PFKFB3: variants seen among roughly 807,000 people sequenced by gnomAD.
The protein encoded by PFKFB3 is 6-phosphofructo-2-kinase/fructose-2,6-biphosphatase 3.
In PFKFB3, 33 loss-of-function variants were observed where a neutral mutation model predicts 68.0. That is an observed-to-expected ratio of 0.49 (90% CI 0.37 to 0.65). The LOEUF (loss-of-function observed/expected upper bound fraction) is 0.65. Among genes scored for constraint, PFKFB3 ranks in the 30% least tolerant of loss-of-function variants. PFKFB3 has a pLI of 0.00. For synonymous variants in PFKFB3, 315 were observed against 288.2 expected (o/e 1.09, Z -0.94); for missense variants, 586 against 712.2 (o/e 0.82, Z 2.02).
At chr10:6,283,912 C>T in the PFKFB3 span, among the ~76,000 whole-genome samples, 1 of 152,106 alleles carries the variant, frequency 6.6e-6, no homozygotes, top group Non-Finnish European at 1.5e-5. Flanking sequence ...AGTATCATCT[C>T]ATCGCAAGAT....
chr10:6,318,813 C>T, the PFKFB3 span, among the ~76,000 whole-genome samples: 29 of 152,120 alleles, frequency 1.9e-4, no homozygotes, highest in Admixed American at 1.1e-3. Context: ...GGACCAGCTC[C>T]GTCTCTGCGG....
chr10:6,220,587 G>A lies in PFKFB3; in HGVS notation c.624-71G>A, dbSNP rs536366070. On this transcript the variant is annotated intron_variant, in intron 7 of 14. Coordinates refer to ENST00000379775, the MANE Select transcript of PFKFB3 (RefSeq NM_004566.4). This position sits in a 1 kb window ranked among gnomAD's most constrained non-coding sequence, Gnocchi z 4.1. Reference sequence around the variant, plus strand: ...GCTGTTCTCTGGGGATCACATCTTCGGAGACGGGCCAGGTGCATCCTGCTG... The same window carrying A: ...GCTGTTCTCTGGGGATCACATCTTCAGAGACGGGCCAGGTGCATCCTGCTG... The A allele has an allele frequency of 1.1e-5, 15 of 1,404,140 alleles. No homozygotes were observed. The highest frequency in any genetic ancestry group is 9.9e-5 in the African/African-American group (7 of 70,990). 87.0% of individuals were successfully genotyped at this position (1,404,140 alleles called of 1,614,324 possible). A position where few individuals can be genotyped will look rare whatever the true frequency, so the allele number is the denominator to read the frequency against.
the PFKFB3 span, among the ~76,000 whole-genome samples, chr10:6,287,119 C>A: frequency 2.0e-4 from 31 of 152,250 alleles, no homozygotes; most frequent in South Asian, 4.2e-4. Context: ...TGGAGCCTCA[C>A]TCTGTCACCC....
In PFKFB3 at chr10:6,227,194, A is replaced by G. The variant is rs578204311; in HGVS notation, c.1515+829A>G. Among the ~76,000 whole-genome samples the G allele has an allele frequency of 3.9e-5, 6 of 152,156 alleles. No individual in the cohort carries two copies. The South Asian group carries it at 1.2e-3, about 32-fold the overall frequency. On this transcript the variant is annotated intron_variant, in intron 14 of 14. Transcript: ENST00000379775. The stretch of plus-strand genomic sequence containing the variant: ...CAGACATTAAGATTTGTTTTCAGAA[A>G]ACTGTTTGTTTTCAGAAAACTGGTC...
At chr10:6,212,637 T>C (rs1844305454) in intron 1 of PFKFB3, among the ~76,000 whole-genome samples, 1 of 152,150 alleles carries the variant, frequency 6.6e-6, no homozygotes. Context: ...CTACTTTCAT[T>C]TGATAAACTC....
the PFKFB3 span, among the ~76,000 whole-genome samples, chr10:6,306,503 C>T: frequency 2.0e-5 from 3 of 152,042 alleles, no homozygotes; most frequent in Non-Finnish European, 4.4e-5. Flanking sequence ...GGTGGATGGC[C>T]GTGGGCTCAG....
At chr10:6,277,000 T>G in the PFKFB3 span, among the ~76,000 whole-genome samples, 1 of 152,182 alleles carries the variant, frequency 6.6e-6, no homozygotes, top group Non-Finnish European at 1.5e-5. Context: ...CCTTCCCTCC[T>G]TTCTCCTCCC....
At chr10:6,278,029 T>G in the PFKFB3 span, among the ~76,000 whole-genome samples, 1 of 151,728 alleles carries the variant, frequency 6.6e-6, no homozygotes, top group Admixed American at 6.6e-5. Context: ...ACCATTCTCC[T>G]GCCTCAGCCT....
Position 6,213,657 on chromosome 10 carries a change from C to T in PFKFB3, c.111C>T (p.Val37=). 1 of 1,613,362 alleles carries T rather than the reference C, an allele frequency of 6.2e-7. No individual in the cohort carries two copies. Among genetic ancestry groups the T allele is most frequent in the Non-Finnish European group, 8.5e-7 (1 of 1,179,704 alleles). Reference sequence around the variant, plus strand: ...CAAAGCTGACCAACTCCCCCACCGTCATCGTCATGGTGGGCCTCCCCGCCC... The same window carrying T: ...CAAAGCTGACCAACTCCCCCACCGTTATCGTCATGGTGGGCCTCCCCGCCC... The part of the protein sequence containing the change: ...CGPKLTNSPT[V]IVMVGLPARG... Residue 37 remains valine, a synonymous_variant, in exon 2 of 15, where the codon GTC becomes GTT. Transcript: ENST00000379775.
intron 14 of PFKFB3, among the ~76,000 whole-genome samples, chr10:6,230,523 C>T (rs753175785): frequency 4.6e-5 from 7 of 152,060 alleles, no homozygotes; most frequent in East Asian, 1.9e-4. Flanking sequence ...CTAGGAAGTG[C>T]GTGGGGGATG....
intron 1 of PFKFB3, among the ~76,000 whole-genome samples, chr10:6,165,286 C>T (rs112452909): frequency 6.6e-6 from 1 of 152,220 alleles, no homozygotes; most frequent in African/African-American, 2.4e-5. Context: ...ATCCATTAAA[C>T]CTTGATTCAA....
At chr10:6,168,952 C>T (rs780599562) in intron 1 of PFKFB3, among the ~76,000 whole-genome samples, 2 of 152,138 alleles carry the variant, frequency 1.3e-5, no homozygotes, top group African/African-American at 2.4e-5. Context: ...TAAAAGTCCC[C>T]ACTCCTTATG....
chr10:6,188,676 C>T (rs773495821), intron 1 of PFKFB3, among the ~76,000 whole-genome samples: 3 of 151,960 alleles, frequency 2.0e-5, no homozygotes, highest in Middle Eastern at 3.4e-3. Context: ...TGACGTCCCC[C>T]GTTCTGCTTT....
intron 1 of PFKFB3, among the ~76,000 whole-genome samples, chr10:6,177,046 T>G (rs1281476014): frequency 1.3e-5 from 2 of 152,176 alleles, no homozygotes; most frequent in African/African-American, 2.4e-5. Context: ...CACTGGGGCC[T>G]GATTTCCCAG....
the PFKFB3 span, among the ~76,000 whole-genome samples, chr10:6,278,516 C>G: frequency 6.6e-6 from 1 of 152,130 alleles, no homozygotes; most frequent in African/African-American, 2.4e-5. Context: ...ACCTCATGAT[C>G]TGCCCACCTC....
chr10:6,319,492 T>C, the PFKFB3 span, among the ~76,000 whole-genome samples: 1 of 152,076 alleles, frequency 6.6e-6, no homozygotes, highest in African/African-American at 2.4e-5. Flanking sequence ...ATAATAGACA[T>C]TGGAGACTTG....
chr10:6,168,003 CTAAA>C (rs1173338212), intron 1 of PFKFB3, among the ~76,000 whole-genome samples: 6 of 152,336 alleles, frequency 3.9e-5, no homozygotes, highest in African/African-American at 1.4e-4. Context: ...TGCGTCATCT[CTAAA>C]TGACAGATAG....
intron 1 of PFKFB3, among the ~76,000 whole-genome samples, chr10:6,195,621 TA>T (rs1219079758): frequency 6.6e-6 from 1 of 152,132 alleles, no homozygotes; most frequent in African/African-American, 2.4e-5. Flanking sequence ...AGCAAACTGG[TA>T]AGAGAATGCA....
the PFKFB3 span, chr10:6,294,143 A>T: frequency 2.0e-6 from 1 of 500,902 alleles, no homozygotes; most frequent in South Asian, 1.5e-5. Context: ...CTTTATTTAA[A>T]CTCAGGCCTA....
Sources: allele counts gnomAD v4.1 joint callset (sites outside exome capture counted in the v4.1 genomes callset), GRCh38; gene constraint gnomAD v4.1.1; non-coding constraint Gnocchi (gnomAD v3.1); transcripts MANE v1.5; gene names NCBI Gene and HGNC (gene_info 2026-07-23, HGNC 2026-07-21).